Variants in GPM6A observed in about 807,000 individuals in gnomAD.
GPM6A encodes the protein glycoprotein M6A, also known as neuronal membrane glycoprotein M6-a.
GPM6A carries 7 observed loss-of-function variants against 32.1 expected under a neutral mutation model. That is an observed-to-expected ratio of 0.22 (90% CI 0.12 to 0.41). GPM6A has a LOEUF of 0.41. Among genes scored for constraint, GPM6A ranks in the 10% least tolerant of loss-of-function variants. The pLI is 1.00. For synonymous variants in GPM6A, 130 were observed against 123.4 expected (o/e 1.05, Z -0.35); for missense variants, 235 against 347.2 (o/e 0.68, Z 2.57).
intron 1 of GPM6A, among the ~76,000 whole-genome samples, chr4:175,791,235 T>C (rs1468623270): frequency 2.0e-5 from 3 of 152,156 alleles, no homozygotes; most frequent in South Asian, 2.1e-4. Flanking sequence ...ATAAAATGTA[T>C]AGATAGAAAA....
chr4:175,853,612 A>C (rs1446876138), intron 1 of GPM6A, among the ~76,000 whole-genome samples: 2 of 151,676 alleles, frequency 1.3e-5, no homozygotes, highest in African/African-American at 4.8e-5. Context: ...TAAGATTACC[A>C]GTGGAGTCGT....
At chr4:175,771,074 T>C (rs1262325027) in intron 1 of GPM6A, among the ~76,000 whole-genome samples, 1 of 152,150 alleles carries the variant, frequency 6.6e-6, no homozygotes, top group Non-Finnish European at 1.5e-5. Context: ...GCGGGAAGAA[T>C]GGGGTATTTT....
At chr4:175,870,421 A>T (rs1272488001) in intron 1 of GPM6A, among the ~76,000 whole-genome samples, 1 of 152,112 alleles carries the variant, frequency 6.6e-6, no homozygotes, top group Non-Finnish European at 1.5e-5. Flanking sequence ...TCCTTTATTC[A>T]CTCAAAATGT....
rs201536295 is a variant in GPM6A at position 175,673,582 on chromosome 4, G to GA, written c.387+97dup. ...ATCACAGAAGGAAACGTTACTGTGTGAAAAAAAAATACTTTAATTCTTGGG... is the reference window on the plus strand; with the variant it reads ...ATCACAGAAGGAAACGTTACTGTGTGAAAAAAAAAATACTTTAATTCTTGGG... On this transcript the variant is annotated intron_variant, in intron 3 of 6. Transcript: ENST00000393658. The GA allele has an allele frequency of 1.3e-3, 1,057 of 796,366 alleles. 2 individuals carry two copies. The highest frequency in any genetic ancestry group is 2.8e-3 in the South Asian group (93 of 32,678). The allele number at this position is 796,366 out of a possible 1,614,324, so 49.3% of individuals were successfully genotyped here.
At chr4:175,848,426 C>G (rs1332049528) in intron 1 of GPM6A, among the ~76,000 whole-genome samples, 1 of 151,952 alleles carries the variant, frequency 6.6e-6, no homozygotes, top group Non-Finnish European at 1.5e-5. Flanking sequence ...TATTTTATAC[C>G]TACATTTGAA....
rs1344618381 is a variant in GPM6A at position 175,720,446 on chromosome 4, A to G, written c.38-18679T>C. Reference sequence around the variant, plus strand: ...GAAGAATGTCCATGGAATATCTGAAAAGGCAGAAATGCTAAATAAAACATT... The same window carrying G: ...GAAGAATGTCCATGGAATATCTGAAGAGGCAGAAATGCTAAATAAAACATT... On this transcript the variant is annotated intron_variant, in intron 1 of 6. Transcript: ENST00000393658. Among the ~76,000 whole-genome samples the G allele has an allele frequency of 3.3e-5, 5 of 152,222 alleles. No homozygotes were observed. In the East Asian group the frequency reaches 9.6e-4, roughly 29 times the overall value.
chr4:175,810,637 G>A (rs561044890), intron 1 of GPM6A, among the ~76,000 whole-genome samples: 27 of 152,202 alleles, frequency 1.8e-4, no homozygotes, highest in Non-Finnish European at 3.4e-4. Context: ...TTAACTCAAG[G>A]TTTTATTTAG....
chr4:175,702,829 A>G (rs1744954915), intron 1 of GPM6A, among the ~76,000 whole-genome samples: 1 of 152,200 alleles, frequency 6.6e-6, no homozygotes, highest in Non-Finnish European at 1.5e-5. Context: ...CATGTTATGT[A>G]GTAAGGGAAA....
rs1345449749 is a variant in GPM6A at position 175,936,640 on chromosome 4, ATGTAAG to A, written c.-23+65663_-23+65668del. On this transcript the variant is annotated intron_variant, in intron 1 of 7. Transcript: ENST00000280187. ...AAAGAATATTTCAGAATGTCAAGAT[ATGTAAG>A]TATAACCTAACAAGATATCAAACCA... Among the ~76,000 whole-genome samples the A allele has an allele frequency of 2.0e-5, 3 of 152,194 alleles. No individual in the cohort carries two copies. The South Asian group carries it at 6.2e-4, about 31-fold the overall frequency.
intron 1 of GPM6A, among the ~76,000 whole-genome samples, chr4:175,890,578 T>A (rs1737614205): frequency 6.6e-6 from 1 of 151,970 alleles, no homozygotes; most frequent in Non-Finnish European, 1.5e-5. Flanking sequence ...TATTTTATTA[T>A]TTTATTGAGA....
At chr4:175,900,626 T>C (rs1010433792) in intron 1 of GPM6A, among the ~76,000 whole-genome samples, 1 of 152,030 alleles carries the variant, frequency 6.6e-6, no homozygotes, top group African/African-American at 2.4e-5. Context: ...CAATAACAAA[T>C]GCTGGCAAGG....
intron 2 of GPM6A, among the ~76,000 whole-genome samples, chr4:175,692,946 C>G (rs58719232): frequency 0.047 from 7,167 of 152,064 alleles, 202 homozygotes; most frequent in Non-Finnish European, 0.063. Flanking sequence ...TTCTATGTCT[C>G]TGCAAAATAC....
intron 1 of GPM6A, chr4:175,962,236 T>C: frequency 7.4e-6 from 10 of 1,345,478 alleles, no homozygotes; most frequent in Non-Finnish European, 9.6e-6. Context: ...CAAGAGAACA[T>C]TGACCTCCTA....
At chr4:175,668,924 T>C (rs1742898495) in intron 3 of GPM6A, among the ~76,000 whole-genome samples, 1 of 152,144 alleles carries the variant, frequency 6.6e-6, no homozygotes, top group South Asian at 2.1e-4. Context: ...GAAGCCCTAA[T>C]CATGAGGTTA....
chr4:175,886,986 T>G (rs1737480987), intron 1 of GPM6A, among the ~76,000 whole-genome samples: 1 of 152,062 alleles, frequency 6.6e-6, no homozygotes. Context: ...AGTTGATAGC[T>G]AATTTAATAT....
At chr4:175,921,367 C>T (rs1409276012) in intron 1 of GPM6A, among the ~76,000 whole-genome samples, 1 of 152,068 alleles carries the variant, frequency 6.6e-6, no homozygotes, top group African/African-American at 2.4e-5. Context: ...ACTCTGTATG[C>T]ACTTTTTCCA....
intron 1 of GPM6A, among the ~76,000 whole-genome samples, chr4:175,946,948 C>G (rs1739628886): frequency 6.6e-6 from 1 of 152,084 alleles, no homozygotes. Flanking sequence ...TACTGCTGTA[C>G]TGGAAGCCAG....
intron 2 of GPM6A, among the ~76,000 whole-genome samples, chr4:175,690,185 T>C (rs1419586996): frequency 2.0e-5 from 3 of 152,218 alleles, no homozygotes; most frequent in Non-Finnish European, 4.4e-5. Context: ...ACATCACTTA[T>C]CTCAAATTCA....
chr4:175,919,101 AATTT>A (rs1212084999), intron 1 of GPM6A, among the ~76,000 whole-genome samples: 1 of 152,188 alleles, frequency 6.6e-6, no homozygotes. Flanking sequence ...CAGCACACTT[AATTT>A]AACTGTATAG....
Sources: gnomAD v4.1 joint callset for allele counts (sites outside exome capture counted in the v4.1 genomes callset) on GRCh38, gnomAD v4.1.1 for gene constraint, MANE v1.5 for transcripts, NCBI Gene and HGNC (gene_info 2026-07-23, HGNC 2026-07-21) for gene names.